LMX1A: variants seen among roughly 807,000 people sequenced by gnomAD.
LMX1A encodes the protein LIM homeobox transcription factor 1 alpha, also known as LIM homeobox transcription factor 1-alpha.
Under a neutral mutation model 49.1 loss-of-function variants are expected in LMX1A, and 15 were observed. The ratio of observed to expected loss-of-function variants is 0.31; its 90% CI spans 0.20 to 0.47. The LOEUF (loss-of-function observed/expected upper bound fraction) is 0.47, where lower values mean the gene tolerates loss of function less well. LMX1A is among the 20% of genes least tolerant of loss of function. The pLI, the probability that LMX1A is intolerant of heterozygous loss-of-function variation, is 1.00. For missense variants in LMX1A, 372 were observed against 475.8 expected (o/e 0.78, Z 2.03); for synonymous variants, 167 against 185.7 (o/e 0.90, Z 0.82).
At chr1:165,254,393 A>G (rs1028020268) in intron 3 of LMX1A, among the ~76,000 whole-genome samples, 1 of 152,202 alleles carries the variant, frequency 6.6e-6, no homozygotes, top group Non-Finnish European at 1.5e-5. Context: ...ATTACAGACC[A>G]GGAAGAGTGG....
chr1:165,328,871 T>C (rs927860534), intron 3 of LMX1A, among the ~76,000 whole-genome samples: 2 of 152,180 alleles, frequency 1.3e-5, no homozygotes, highest in African/African-American at 4.8e-5. Flanking sequence ...TGAAGCAATT[T>C]ATCTCTCTGG....
rs1162167177 is a variant in LMX1A at position 165,202,173 on chromosome 1, A to G, written c.*1707T>C. 1 of 152,450 alleles carries G rather than the reference A, an allele frequency of 6.6e-6. No homozygotes were observed. Among genetic ancestry groups the G allele is most frequent in the Non-Finnish European group, 1.5e-5 (1 of 68,008 alleles). 9.4% of individuals were successfully genotyped at this position (152,450 alleles called of 1,614,324 possible). ...TGTCTCTGTGTTCAAGTCTCCAATGATGTCCCCAGAAATGAGGCCAAGCCT... is the reference window on the plus strand; with the variant it reads ...TGTCTCTGTGTTCAAGTCTCCAATGGTGTCCCCAGAAATGAGGCCAAGCCT... On this transcript the variant is annotated 3_prime_UTR_variant, in exon 9 of 9. Coordinates refer to ENST00000342310, the MANE Select transcript of LMX1A (RefSeq NM_177398.4).
chr1:165,316,442 C>T (rs1655230636), intron 3 of LMX1A, among the ~76,000 whole-genome samples: 1 of 151,982 alleles, frequency 6.6e-6, no homozygotes, highest in African/African-American at 2.4e-5. Context: ...GTCCTGGGGG[C>T]ACTGATACCA....
chr1:165,286,889 A>G (rs946433447), intron 3 of LMX1A, among the ~76,000 whole-genome samples: 9 of 152,202 alleles, frequency 5.9e-5, no homozygotes, highest in African/African-American at 2.2e-4. Context: ...ATATTACCCT[A>G]TAAGTGAAGT....
At chr1:165,266,995 TCTTTC>T (rs1371660730) in intron 3 of LMX1A, among the ~76,000 whole-genome samples, 1 of 152,088 alleles carries the variant, frequency 6.6e-6, no homozygotes, top group Admixed American at 6.5e-5. Context: ...CTTCCTTCCT[TCTTTC>T]CTTTATTTAT....
chr1:165,241,539 C>T (rs1256401674), intron 4 of LMX1A, among the ~76,000 whole-genome samples: 1 of 152,170 alleles, frequency 6.6e-6, no homozygotes, highest in Non-Finnish European at 1.5e-5. Flanking sequence ...AGTCACACTG[C>T]TTGTGAGTGT....
Position 165,326,327 on chromosome 1 carries a change from A to G in LMX1A, c.263+26749T>C, listed in dbSNP as rs2101748490. On this transcript the variant is annotated intron_variant, in intron 3 of 8. Coordinates refer to ENST00000342310, the MANE Select transcript of LMX1A (RefSeq NM_177398.4). ...CTTCCCTGCACCCTCTAGGCAAGGC[A>G]TGATTCTCCCAGGATCCACTAGGAA... Among the ~76,000 whole-genome samples the G allele has an allele frequency of 1.3e-5, 2 of 152,358 alleles. 1 individual carries two copies. The highest frequency in any genetic ancestry group is 3.9e-4 in the East Asian group (2 of 5,188).
At chr1:165,319,543 C>G (rs1452034882) in intron 3 of LMX1A, among the ~76,000 whole-genome samples, 1 of 151,972 alleles carries the variant, frequency 6.6e-6, no homozygotes, top group Non-Finnish European at 1.5e-5. Flanking sequence ...GGAAGGCCAC[C>G]TAAGTGTCAG....
intron 3 of LMX1A, among the ~76,000 whole-genome samples, chr1:165,292,241 C>A (rs1439693910): frequency 1.3e-5 from 2 of 151,972 alleles, no homozygotes; most frequent in Admixed American, 1.3e-4. Context: ...TAGATTTTTT[C>A]TTTTTTTAAC....
chr1:165,214,895 C>A (rs2102605336), intron 4 of LMX1A, among the ~76,000 whole-genome samples: 1 of 152,348 alleles, frequency 6.6e-6, no homozygotes, highest in African/African-American at 2.4e-5. Context: ...GAAATAAAAT[C>A]TCTAGTATAC....
chr1:165,288,446 C>T (rs567381232), intron 3 of LMX1A, among the ~76,000 whole-genome samples: 10 of 152,224 alleles, frequency 6.6e-5, no homozygotes, highest in African/African-American at 1.4e-4. Context: ...TATGTGTGAG[C>T]GAACAGCAGG....
At chr1:165,295,987 G>T (rs1243660735) in intron 3 of LMX1A, among the ~76,000 whole-genome samples, 1 of 152,170 alleles carries the variant, frequency 6.6e-6, no homozygotes, top group Non-Finnish European at 1.5e-5. Context: ...GCCAGAAAAG[G>T]TTTGTTGGAA....
chr1:165,202,746 G>T lies in LMX1A; in HGVS notation c.*1134C>A, dbSNP rs1320421123. 1 of 152,446 alleles carries T rather than the reference G, an allele frequency of 6.6e-6. No homozygotes were observed. Among genetic ancestry groups the T allele is most frequent in the African/African-American group, 2.4e-5 (1 of 41,392 alleles). The allele number at this position is 152,446 out of a possible 1,614,324, so 9.4% of individuals were successfully genotyped here. A position where few individuals can be genotyped will look rare whatever the true frequency, so the allele number is the denominator to read the frequency against. On this transcript the variant is annotated 3_prime_UTR_variant, in exon 9 of 9. Transcript: ENST00000342310. ...TGGGACTCTGGGATCCCTCTGAACT[G>T]CTCTGAGCTGGTGTCTCCTTCAGCA...
chr1:165,264,364 T>C (rs978645038), intron 3 of LMX1A, among the ~76,000 whole-genome samples: 2 of 152,098 alleles, frequency 1.3e-5, no homozygotes, highest in Non-Finnish European at 2.9e-5. Context: ...GATTCTTGGT[T>C]TAAAATCACA....
intron 3 of LMX1A, among the ~76,000 whole-genome samples, chr1:165,316,860 C>A (rs1655244596): frequency 6.6e-6 from 1 of 152,130 alleles, no homozygotes; most frequent in African/African-American, 2.4e-5. Flanking sequence ...GCACTCGGGC[C>A]CGGGCAAAGC....
chr1:165,328,753 A>G (rs1425288458), intron 3 of LMX1A, among the ~76,000 whole-genome samples: 2 of 152,230 alleles, frequency 1.3e-5, no homozygotes, highest in Non-Finnish European at 2.9e-5. Flanking sequence ...TGTCCCATTC[A>G]TGTCTTACTC....
At chr1:165,339,199 C>T (rs1053085335) in intron 3 of LMX1A, among the ~76,000 whole-genome samples, 1 of 152,228 alleles carries the variant, frequency 6.6e-6, no homozygotes, top group African/African-American at 2.4e-5. Context: ...ACATATTAAC[C>T]AACCAAGTGG....
intron 3 of LMX1A, among the ~76,000 whole-genome samples, chr1:165,351,167 AT>A (rs5778446): frequency 0.092 from 13,771 of 149,894 alleles, 797 homozygotes; most frequent in South Asian, 0.15. Context: ...TTGATTCGTG[AT>A]TTTTTTTTTT....
At chr1:165,210,082 CAT>C (rs1651308507) in intron 6 of LMX1A, among the ~76,000 whole-genome samples, 1 of 152,206 alleles carries the variant, frequency 6.6e-6, no homozygotes, top group Admixed American at 6.5e-5. Context: ...GCAGAGGAAA[CAT>C]AGAGTTTGTT....
Sources: gnomAD v4.1 joint callset for allele counts (sites outside exome capture counted in the v4.1 genomes callset) on GRCh38, gnomAD v4.1.1 for gene constraint, MANE v1.5 for transcripts, NCBI Gene and HGNC (gene_info 2026-07-23, HGNC 2026-07-21) for gene names.